Variants in ZCCHC9 observed in about 807,000 individuals in gnomAD.
The protein encoded by ZCCHC9 is zinc finger CCHC domain-containing protein 9.
ZCCHC9 carries 18 observed loss-of-function variants against 30.8 expected under a neutral mutation model. The ratio of observed to expected loss-of-function variants is 0.58; its 90% CI spans 0.40 to 0.87. The LOEUF is 0.87. ZCCHC9 is among the 40% of genes least tolerant of loss of function. ZCCHC9 has a pLI of 0.00. For missense variants in ZCCHC9, 279 were observed against 331.2 expected (o/e 0.84, Z 1.22); for synonymous variants, 94 against 106.7 (o/e 0.88, Z 0.73).
At chr5:81,305,691 C>G (rs762884962) in intron 2 of ZCCHC9, among the ~76,000 whole-genome samples, 2 of 151,810 alleles carry the variant, frequency 1.3e-5, no homozygotes, top group Non-Finnish European at 2.9e-5. Flanking sequence ...CCTGGGAGGT[C>G]GAGGCTACAG....
chr5:81,307,140 A>G (rs1758100827), intron 2 of ZCCHC9, among the ~76,000 whole-genome samples: 2 of 152,218 alleles, frequency 1.3e-5, no homozygotes, highest in Non-Finnish European at 2.9e-5. Context: ...ATTATCCAAG[A>G]AATATGTATA....
In ZCCHC9 at chr5:81,312,680, A is replaced by C; in HGVS notation, c.*18A>C. ...ATTTTTGATAACAGCTAGCACTATC[A>C]TGAGTTACTACCTCATTGTTACTTT... is the stretch of plus-strand genomic sequence containing the variant. On this transcript the variant is annotated 3_prime_UTR_variant, in exon 6 of 6. Coordinates refer to ENST00000407610, the MANE Select transcript of ZCCHC9 (RefSeq NM_001131035.2). 1.9e-6 allele frequency: 3 copies of C among 1,547,220 alleles called. No individual in the cohort carries two copies. The highest frequency in any genetic ancestry group is 2.7e-6 in the Non-Finnish European group (3 of 1,120,072).
intron 4 of ZCCHC9, among the ~76,000 whole-genome samples, chr5:81,309,933 T>C (rs748389179): frequency 1.3e-5 from 2 of 152,320 alleles, no homozygotes; most frequent in Non-Finnish European, 2.9e-5. Flanking sequence ...ATACATCTTA[T>C]AATCAGTGGT....
rs570188926 is a variant in ZCCHC9, at chr5:81,311,227, T to C, written c.645T>C (p.Leu215=). Reference sequence around the variant, plus strand: ...TTTCAATAGGTGGCGGTTGCAAACTTTGTGGCTCTGTGGAACATTTAAAGA... The same window carrying C: ...TTTCAATAGGTGGCGGTTGCAAACTCTGTGGCTCTGTGGAACATTTAAAGA... The part of the protein sequence containing the change: ...GLYADGGGCK[L]CGSVEHLKKD... The change falls in exon 5 of 6, where the codon CTT becomes CTC. Residue 215 remains leucine, a synonymous_variant. Coordinates refer to ENST00000407610, the MANE Select transcript of ZCCHC9 (RefSeq NM_001131035.2). The C allele has an allele frequency of 4.4e-5, 71 of 1,614,078 alleles. No homozygotes were observed. The Admixed American group carries it at 4.5e-4, about 10-fold the overall frequency.
chr5:81,308,531 A>C (rs1758155079), intron 2 of ZCCHC9, 30 bp from the exon 3 acceptor site: 3 of 1,582,460 alleles, frequency 1.9e-6, no homozygotes, highest in Non-Finnish European at 2.6e-6. Context: ...ATAGTTTTGC[A>C]GCGTGCCAAC....
Position 81,312,852 on chromosome 5 carries a change from T to C in ZCCHC9, c.*190T>C, listed in dbSNP as rs1758334838. 4.8e-6 allele frequency: 2 copies of C among 418,666 alleles called. No individual in the cohort carries two copies. The highest frequency in any genetic ancestry group is 7.4e-5 in the East Asian group (2 of 26,856). The allele number at this position is 418,666 out of a possible 1,614,324, so 25.9% of individuals were successfully genotyped here. Reference sequence around the variant, plus strand: ...TACTTCTACCACTGTTTGGAGAAAATTGAAGAAAAGAATAAGATGATTAAA... The same window carrying C: ...TACTTCTACCACTGTTTGGAGAAAACTGAAGAAAAGAATAAGATGATTAAA... On this transcript the variant is annotated 3_prime_UTR_variant, in exon 6 of 6. Transcript: ENST00000407610.
At chr5:81,308,301 G>T (rs574892212) in intron 2 of ZCCHC9, 103 of 313,680 alleles carry the variant, frequency 3.3e-4, no homozygotes, top group Non-Finnish European at 1.6e-4. Flanking sequence ...AGCAATTGCC[G>T]TCTACAAAGC....
intron 4 of ZCCHC9, among the ~76,000 whole-genome samples, chr5:81,310,163 A>AAAAAAAAAAAAAAAAAAAAAAT (rs1425538929): frequency 6.6e-6 from 1 of 150,634 alleles, no homozygotes; most frequent in African/African-American, 2.5e-5. Context: ...GCTGTAAAAA[A>AAAAAAAAAAAAAAAAAAAAAAT]AAAAAAAAAA....
chr5:81,305,873 T>TAGGGG (rs1758070829), intron 2 of ZCCHC9, among the ~76,000 whole-genome samples: 1 of 152,178 alleles, frequency 6.6e-6, no homozygotes, highest in Non-Finnish European at 1.5e-5. Context: ...TGTGTGTGGG[T>TAGGGG]CCCTATTACT....
chr5:81,310,000 TGTATTATTCAA>T (rs1758224836), intron 4 of ZCCHC9, among the ~76,000 whole-genome samples: 1 of 152,044 alleles, frequency 6.6e-6, no homozygotes, highest in South Asian at 2.1e-4. Context: ...AGGATTAAAA[TGTATTATTCAA>T]GTGCTTCTCT....
chr5:81,304,237 G>C (rs1758032663), intron 1 of ZCCHC9: 1 of 152,382 alleles, frequency 6.6e-6, no homozygotes, highest in Admixed American at 6.5e-5. Context: ...TTATAACTTT[G>C]CCAGGAAATT....
At chr5:81,308,022 AATCTATCTATCT>A (rs1554049990) in intron 2 of ZCCHC9, among the ~76,000 whole-genome samples, 7 of 68,348 alleles carry the variant, frequency 1.0e-4, no homozygotes, top group African/African-American at 2.1e-4. Flanking sequence ...AAAAAAAAAA[AATCTATCTATCT>A]ATCTATCTAT....
intron 1 of ZCCHC9, chr5:81,303,724 G>A (rs1041931995): frequency 9.2e-5 from 14 of 152,232 alleles, no homozygotes; most frequent in African/African-American, 3.4e-4. Context: ...CATGAGTAAT[G>A]TGTTACACTA....
chr5:81,312,256 A>T (rs1758312436), intron 5 of ZCCHC9, among the ~76,000 whole-genome samples: 1 of 152,120 alleles, frequency 6.6e-6, no homozygotes, highest in South Asian at 2.1e-4. Context: ...GAATTCATTG[A>T]CTCTGTAATG....
At chr5:81,305,746 C>T (rs561870888) in intron 2 of ZCCHC9, among the ~76,000 whole-genome samples, 6 of 152,144 alleles carry the variant, frequency 3.9e-5, no homozygotes, top group African/African-American at 7.2e-5. Flanking sequence ...GGTGACAAAA[C>T]GAGAGTTCGT....
chr5:81,308,785 C>A, intron 3 of ZCCHC9, 74 bp downstream of exon 3: 1 of 1,534,716 alleles, frequency 6.5e-7, no homozygotes. Flanking sequence ...ATTTTTTTAA[C>A]ACAATTTGTT....
Position 81,312,730 on chromosome 5 carries a change from T to TA in ZCCHC9, c.*69dup. On this transcript the variant is annotated 3_prime_UTR_variant, in exon 6 of 6. Transcript: ENST00000407610. ...TCTAAACCAGGCCCGCTTCACGAGTTAGAGTTGAGCTCCCCTGTAGCCAGG... is the reference window on the plus strand; with the variant it reads ...TCTAAACCAGGCCCGCTTCACGAGTTAAGAGTTGAGCTCCCCTGTAGCCAGG... The TA allele has an allele frequency of 1.7e-6, 2 of 1,181,386 alleles. No homozygotes were observed. The highest frequency in any genetic ancestry group is 2.5e-6 in the Non-Finnish European group (2 of 800,142). 73.2% of individuals were successfully genotyped at this position (1,181,386 alleles called of 1,614,324 possible). A position where few individuals can be genotyped will look rare whatever the true frequency, so the allele number is the denominator to read the frequency against.
At position 81,304,795 on chromosome 5, in the gene ZCCHC9, A is replaced by G; in HGVS notation, c.38A>G (p.Lys13Arg). The G allele has an allele frequency of 2.5e-6, 4 of 1,609,804 alleles. No individual in the cohort carries two copies. The highest frequency in any genetic ancestry group is 2.5e-6 in the Non-Finnish European group (3 of 1,178,814). The change falls in exon 2 of 6, where the codon AAG (lysine) becomes AGG (arginine). Residue 13 changes from lysine (K) to arginine (R), a missense_variant. Lys to Arg is a conservative substitution (Grantham distance 26). Coordinates refer to ENST00000407610, the MANE Select transcript of ZCCHC9 (RefSeq NM_001131035.2). ...GCCCGAGTTAGTACCACATATAACA[A>G]GAGACCCTTGCCTGCAACATCATGG... ...RWARVSTTYNKRPLPATSWED... is the reference protein window; with the variant it reads ...RWARVSTTYNRRPLPATSWED...
rs771534848 is a variant in ZCCHC9 at position 81,304,849 on chromosome 5, G to A, written c.92G>A (p.Gly31Glu). 4 of 1,613,986 alleles carry A rather than the reference G, an allele frequency of 2.5e-6. No homozygotes were observed. The highest frequency in any genetic ancestry group is 1.3e-5 in the African/African-American group (1 of 74,980). ...GACATGAAGAAGGGATCCTTTGAGG[G>A]AACAAGCCAAAACCTACCAAAGCGT... ...WEDMKKGSFE[G>E]TSQNLPKRKQ... Residue 31 changes from glycine to glutamate, a missense_variant, in exon 2 of 6, where the codon GGA (glycine) becomes GAA (glutamate). Physicochemically the swap from Gly to Glu is moderately conservative, Grantham distance 98. Transcript: ENST00000407610.
Sources: gnomAD v4.1 joint callset for allele counts (sites outside exome capture counted in the v4.1 genomes callset) on GRCh38, gnomAD v4.1.1 for gene constraint, MANE v1.5 for transcripts, NCBI Gene and HGNC (gene_info 2026-07-23, HGNC 2026-07-21) for gene names.